TENM1: variants seen among roughly 807,000 people sequenced by gnomAD.
The protein encoded by TENM1 is teneurin transmembrane protein 1, also known as teneurin-1.
A neutral mutation model predicts 174.8 loss-of-function variants in TENM1; 35 were observed. The observed-to-expected ratio is 0.20, with a 90% CI of 0.15 to 0.27. TENM1 has a LOEUF of 0.27. TENM1 is among the 10% of genes least tolerant of loss of function. TENM1 has a pLI of 1.00. For missense variants in TENM1, 1,633 were observed against 2,130.1 expected, an observed-to-expected ratio of 0.77 and a Z score of 4.59; for synonymous variants, 781 against 798.7, an observed-to-expected ratio of 0.98 and a Z score of 0.37.
At chrX:124,533,420 G>C (rs760376310) in intron 15 of TENM1, among the ~76,000 whole-genome samples, 31 of 111,056 alleles carry the variant, frequency 2.8e-4, no homozygotes, top group Non-Finnish European at 5.3e-4. Context: ...AGGTATGTAC[G>C]GTGAGGGTCT....
At chrX:125,060,766 T>C in the TENM1 span, among the ~76,000 whole-genome samples, 1 of 110,681 alleles carries the variant, frequency 9.0e-6, no homozygotes, top group South Asian at 3.8e-4. Context: ...CTGGGAACCA[T>C]ATAATTATAT....
chrX:124,742,864 T>G (rs939886271), intron 3 of TENM1, among the ~76,000 whole-genome samples: 5 of 111,189 alleles, frequency 4.5e-5, no homozygotes, highest in African/African-American at 9.8e-5. Flanking sequence ...ACTACTTATG[T>G]CAGATCTCTC....
At chrX:124,668,631 T>C (rs970819817) in intron 6 of TENM1, among the ~76,000 whole-genome samples, 3 of 107,183 alleles carry the variant, frequency 2.8e-5, no homozygotes, top group Admixed American at 2.0e-4. Context: ...TTCTCACTCA[T>C]AGGTGGGAAT....
At chrX:124,734,433 G>C (rs1023727846) in intron 4 of TENM1, among the ~76,000 whole-genome samples, 1 of 108,399 alleles carries the variant, frequency 9.2e-6, no homozygotes, top group African/African-American at 3.4e-5. Flanking sequence ...CTGGGCGACA[G>C]AAGGAGACTG....
At chrX:125,148,832 T>A in the TENM1 span, among the ~76,000 whole-genome samples, 2 of 111,660 alleles carry the variant, frequency 1.8e-5, no homozygotes, top group Non-Finnish European at 3.8e-5. Context: ...TCATTTCCAT[T>A]TGCAATGCCC....
chrX:124,436,407 C>T (rs1312272674), intron 23 of TENM1, among the ~76,000 whole-genome samples: 1 of 111,129 alleles, frequency 9.0e-6, no homozygotes, highest in Non-Finnish European at 1.9e-5. Context: ...GGAAGCAGTA[C>T]CTGACTGCAC....
At chrX:124,983,059 A>G in the TENM1 span, among the ~76,000 whole-genome samples, 2 of 112,126 alleles carry the variant, frequency 1.8e-5, no homozygotes, top group African/African-American at 6.5e-5. Flanking sequence ...TGTAGCAAAA[A>G]GTTTGAAAGT....
rs1018024749 is a variant in TENM1, at chrX:124,881,069, C to A, written c.535+13227G>T. ...GTAGGATGAGTTAGGGAGAATTCCA[C>A]CTTCTTCAACTTTTTGAAATAGTTT... On this transcript the variant is annotated intron_variant, in intron 3 of 31. Transcript: ENST00000422452. Among the ~76,000 whole-genome samples the A allele has an allele frequency of 6.3e-5, 7 of 111,776 alleles. No individual in the cohort carries two copies. In the South Asian group the frequency reaches 2.6e-3, roughly 42 times the overall value.
At position 124,718,572 on chromosome X, in the gene TENM1, A is replaced by G. The variant is rs759481289; in HGVS notation, c.777-13321T>C. Among the ~76,000 whole-genome samples the G allele has an allele frequency of 2.7e-5, 3 of 112,446 alleles. No homozygotes were observed. In the East Asian group the frequency reaches 8.4e-4, roughly 31 times the overall value. On this transcript the variant is annotated intron_variant, in intron 4 of 31. Transcript: ENST00000422452. Reference sequence around the variant, plus strand: ...AAATTATATGACGAGTTGCCATTGCATTAAAAGTAAAGCAATGCAGAGAGG... The same window carrying G: ...AAATTATATGACGAGTTGCCATTGCGTTAAAAGTAAAGCAATGCAGAGAGG...
chrX:124,460,164 G>A lies in TENM1; in HGVS notation c.3950-6673C>T, dbSNP rs191072889. On this transcript the variant is annotated intron_variant, in intron 22 of 31. Coordinates refer to ENST00000422452, the Ensembl canonical transcript of TENM1. ...ATTAGTTCAACCATTGTGGAAGACA[G>A]TGTGGTGATTCCTTAAAGACCTAAA... 2.7e-3 allele frequency among the ~76,000 whole-genome samples: 307 copies of A among 111,982 alleles called. 1 individual carries two copies. The highest frequency in any genetic ancestry group is 9.1e-3 in the African/African-American group (280 of 30,843).
intron 20 of TENM1, among the ~76,000 whole-genome samples, chrX:124,492,204 C>T (rs772928944): frequency 4.5e-5 from 5 of 111,523 alleles, no homozygotes; most frequent in East Asian, 5.7e-4. Flanking sequence ...TGGCTATATT[C>T]GTCTGTGTTT....
intron 7 of TENM1, among the ~76,000 whole-genome samples, chrX:124,653,269 A>G (rs758199356): frequency 6.8e-4 from 76 of 111,715 alleles, no homozygotes; most frequent in Middle Eastern, 4.6e-3. Flanking sequence ...CAGTGAAGGG[A>G]CTGTGGGCAG....
At chrX:124,731,177 C>A (rs2053557867) in intron 4 of TENM1, among the ~76,000 whole-genome samples, 1 of 111,194 alleles carries the variant, frequency 9.0e-6, no homozygotes, top group Non-Finnish European at 1.9e-5. Flanking sequence ...CTAAAGATGA[C>A]AGAAAAGTGC....
At chrX:124,871,882 A>C (rs1169019363) in intron 3 of TENM1, among the ~76,000 whole-genome samples, 1 of 110,476 alleles carries the variant, frequency 9.1e-6, no homozygotes, top group African/African-American at 3.3e-5. Context: ...AAATACAAAA[A>C]TTAGCTGGGT....
chrX:125,126,697 GAA>G, the TENM1 span, among the ~76,000 whole-genome samples: 943 of 110,946 alleles, frequency 8.5e-3, 8 homozygotes, highest in African/African-American at 0.029. Context: ...CCTAGCCACA[GAA>G]AAGTCTAATT....
chrX:124,753,527 T>G (rs1180928587), intron 3 of TENM1, among the ~76,000 whole-genome samples: 83 of 103,217 alleles, frequency 8.0e-4, no homozygotes, highest in African/African-American at 2.8e-3. Context: ...AACACTATGT[T>G]GAATAGGAGT....
chrX:124,913,543 C>T (rs987793824), intron 1 of TENM1, among the ~76,000 whole-genome samples: 4 of 111,709 alleles, frequency 3.6e-5, no homozygotes, highest in African/African-American at 1.3e-4. Flanking sequence ...TAGGTCTATA[C>T]ATATATACAC....
chrX:124,522,974 C>T (rs1026480607), intron 17 of TENM1, among the ~76,000 whole-genome samples: 9 of 112,057 alleles, frequency 8.0e-5, no homozygotes, highest in Non-Finnish European at 9.4e-5. Flanking sequence ...AGGCATGAGC[C>T]GCCACGCCCA....
exon 30 of TENM1, chrX:124,384,047 C>T (rs368631244): frequency 3.3e-6 from 4 of 1,209,710 alleles, no homozygotes; most frequent in Non-Finnish European, 4.5e-6. Flanking sequence ...AATCTCCGAG[C>T]TTGTGTGGTT....
Sources: allele counts gnomAD v4.1 joint callset (sites outside exome capture counted in the v4.1 genomes callset), GRCh38; gene constraint gnomAD v4.1.1; transcripts MANE v1.5; gene names NCBI Gene and HGNC (gene_info 2026-07-23, HGNC 2026-07-21).